Variants in PPP4R2 observed in about 807,000 individuals in gnomAD.
The protein encoded by PPP4R2 is serine/threonine-protein phosphatase 4 regulatory subunit 2.
A neutral mutation model predicts 47.2 loss-of-function variants in PPP4R2; 13 were observed. The ratio of observed to expected loss-of-function variants is 0.28; its 90% CI spans 0.18 to 0.44. PPP4R2 has a LOEUF of 0.44. Ranked by LOEUF, PPP4R2 falls within the 20% of genes least tolerant of loss-of-function variation. PPP4R2 has a pLI of 1.00. For missense variants in PPP4R2, 421 were observed against 491.2 expected, an observed-to-expected ratio of 0.86 and a Z score of 1.35; for synonymous variants, 151 against 163.3, an observed-to-expected ratio of 0.92 and a Z score of 0.57.
intron 2 of PPP4R2, among the ~76,000 whole-genome samples, chr3:73,001,603 T>C (rs1047351092): frequency 2.6e-4 from 40 of 152,090 alleles, no homozygotes; most frequent in Admixed American, 1.6e-3. Flanking sequence ...TGCACACTTA[T>C]GTAATTTACC....
chr3:73,046,917 A>G (rs1472943526), intron 2 of PPP4R2, among the ~76,000 whole-genome samples: 3 of 152,114 alleles, frequency 2.0e-5, no homozygotes, highest in Non-Finnish European at 4.4e-5. Flanking sequence ...GACCTAACAC[A>G]CCATAGACTT....
intron 2 of PPP4R2, among the ~76,000 whole-genome samples, chr3:73,001,153 T>A (rs1701449249): frequency 6.6e-6 from 1 of 152,160 alleles, no homozygotes; most frequent in African/African-American, 2.4e-5. Context: ...ACAATCTTGG[T>A]GGTAGAGAAG....
intron 2 of PPP4R2, among the ~76,000 whole-genome samples, chr3:73,039,642 A>G (rs1702336811): frequency 6.6e-6 from 1 of 152,216 alleles, no homozygotes; most frequent in African/African-American, 2.4e-5. Context: ...TATGGTTGTC[A>G]CAACTGGAGT....
At chr3:73,006,522 T>A (rs768880435) in intron 2 of PPP4R2, among the ~76,000 whole-genome samples, 16 of 152,154 alleles carry the variant, frequency 1.1e-4, no homozygotes, top group African/African-American at 9.7e-5. Context: ...TGGAGCACTC[T>A]CGTTGGTTTT....
At chr3:73,053,501 A>G (rs1702663565) in intron 3 of PPP4R2, among the ~76,000 whole-genome samples, 1 of 152,224 alleles carries the variant, frequency 6.6e-6, no homozygotes, top group Non-Finnish European at 1.5e-5. Context: ...TAGGAACTCC[A>G]AGAGATGATT....
intron 2 of PPP4R2, among the ~76,000 whole-genome samples, chr3:73,005,403 A>G (rs1701587115): frequency 6.6e-6 from 1 of 151,116 alleles, no homozygotes; most frequent in South Asian, 2.1e-4. Context: ...GAATTTTTAA[A>G]TTTTTAAAAA....
chr3:73,009,066 T>C (rs1251063858), intron 2 of PPP4R2, among the ~76,000 whole-genome samples: 4 of 152,216 alleles, frequency 2.6e-5, no homozygotes, highest in African/African-American at 7.2e-5. Context: ...CTGTAACTAA[T>C]TATTCTACTT....
At chr3:73,002,988 A>G (rs1354914311) in intron 2 of PPP4R2, among the ~76,000 whole-genome samples, 2 of 152,050 alleles carry the variant, frequency 1.3e-5, no homozygotes, top group African/African-American at 4.8e-5. Flanking sequence ...GGTTCTCTCA[A>G]GAACACAGGC....
chr3:73,011,774 TA>T (rs1465080070), intron 2 of PPP4R2, among the ~76,000 whole-genome samples: 1 of 111,636 alleles, frequency 9.0e-6, no homozygotes, highest in Non-Finnish European at 1.9e-5. Context: ...CTGATACGTG[TA>T]TTTTAACTTG....
intron 2 of PPP4R2, among the ~76,000 whole-genome samples, chr3:73,004,923 T>TGTGTG (rs1701568523): frequency 2.9e-5 from 4 of 139,944 alleles, no homozygotes; most frequent in Non-Finnish European, 4.6e-5. Flanking sequence ...GTGTGTGTGT[T>TGTGTG]TGTGTGTTTT....
At chr3:73,002,877 C>T (rs1179411131) in intron 2 of PPP4R2, among the ~76,000 whole-genome samples, 3 of 151,770 alleles carry the variant, frequency 2.0e-5, no homozygotes, top group Non-Finnish European at 4.4e-5. Flanking sequence ...CTCCTGACCT[C>T]GTGATCCATC....
chr3:73,055,666 G>C (rs1031029413), intron 3 of PPP4R2, among the ~76,000 whole-genome samples: 1 of 108,408 alleles, frequency 9.2e-6, no homozygotes, highest in African/African-American at 4.1e-5. Flanking sequence ...TAAACCAAAC[G>C]CTTTTTTTTT....
intron 7 of PPP4R2, 116 bp from the exon 8 acceptor site, chr3:73,064,736 T>TA (rs1702949568): frequency 4.4e-6 from 4 of 899,334 alleles, no homozygotes; most frequent in Non-Finnish European, 6.9e-6. Context: ...GTTCAGGTGT[T>TA]ATAATTTAAC....
intron 5 of PPP4R2, chr3:73,061,937 T>G: frequency 1.6e-6 from 1 of 613,704 alleles, no homozygotes; most frequent in Non-Finnish European, 2.9e-6. Context: ...AATCCCATAC[T>G]ATATTTCTTG....
intron 2 of PPP4R2, among the ~76,000 whole-genome samples, chr3:73,025,391 A>C (rs1374941726): frequency 3.9e-5 from 6 of 152,108 alleles, no homozygotes; most frequent in Non-Finnish European, 8.8e-5. Flanking sequence ...TATTGTTCTT[A>C]CTAAGATCTT....
intron 2 of PPP4R2, among the ~76,000 whole-genome samples, chr3:73,003,530 T>C (rs780786719): frequency 2.6e-4 from 40 of 152,134 alleles, no homozygotes; most frequent in Non-Finnish European, 4.9e-4. Context: ...CCCTTTTAAC[T>C]GTCAATCTTA....
rs925575912 is a variant in PPP4R2 at position 73,014,828 on chromosome 3, C to G, written c.116+16670C>G. The stretch of plus-strand genomic sequence containing the variant: ...ATTTGAAAGTGATAATATTCTAAAT[C>G]TAGCATTGCTTTATCATTTATTAGT... On this transcript the variant is annotated intron_variant, in intron 2 of 8. Coordinates refer to ENST00000356692, the MANE Select transcript of PPP4R2 (RefSeq NM_174907.4). 1.5e-5 allele frequency: 6 copies of G among 411,956 alleles called. No individual in the cohort carries two copies. The Admixed American group carries it at 1.7e-4, about 12-fold the overall frequency. The allele number at this position is 411,956 out of a possible 1,614,324, so 25.5% of individuals were successfully genotyped here. A position where few individuals can be genotyped will look rare whatever the true frequency, so the allele number is the denominator to read the frequency against.
chr3:72,997,844 A>G (rs950660435), intron 1 of PPP4R2, among the ~76,000 whole-genome samples: 12 of 152,184 alleles, frequency 7.9e-5, no homozygotes, highest in African/African-American at 2.9e-4. Context: ...CACTGCGTTA[A>G]AAATGGTTTG....
At chr3:73,037,239 AATGAGT>A (rs757975306) in intron 2 of PPP4R2, among the ~76,000 whole-genome samples, 1 of 152,194 alleles carries the variant, frequency 6.6e-6, no homozygotes, top group East Asian at 1.9e-4. Context: ...TTTTAATGCT[AATGAGT>A]ATATTTTTTT....
Sources: gnomAD v4.1 joint callset for allele counts (sites outside exome capture counted in the v4.1 genomes callset) on GRCh38, gnomAD v4.1.1 for gene constraint, MANE v1.5 for transcripts, NCBI Gene and HGNC (gene_info 2026-07-23, HGNC 2026-07-21) for gene names.